The following NINL variants were observed in gnomAD, a reference collection of about 807,000 sequenced individuals.
The protein encoded by NINL is ninein like.
A neutral mutation model predicts 160.3 loss-of-function variants in NINL; 153 were observed. That is an observed-to-expected ratio of 0.95 (90% CI 0.84 to 1.09). NINL has a LOEUF of 1.09. Among genes scored for constraint, NINL ranks in the 50% least tolerant of loss-of-function variants. The pLI is 0.00. For missense variants in NINL, 1,829 were observed against 1,764.0 expected (o/e 1.04, Z -0.66); for synonymous variants, 800 against 734.8 (o/e 1.09, Z -1.43).
chr20:25,480,608 C>T (rs1406752079), intron 14 of NINL, among the ~76,000 whole-genome samples: 1 of 152,214 alleles, frequency 6.6e-6, no homozygotes, highest in Non-Finnish European at 1.5e-5. Flanking sequence ...TGGCCTGTGG[C>T]ACAGCAGATG....
chr20:25,533,039 C>T (rs535824198), intron 1 of NINL, among the ~76,000 whole-genome samples: 12 of 152,186 alleles, frequency 7.9e-5, no homozygotes, highest in Non-Finnish European at 1.2e-4. Flanking sequence ...ATAGGAACCC[C>T]GCTGCAGAGA....
rs143245012 is a variant in NINL, at chr20:25,454,781, C to T, written c.3957+892G>A. On this transcript the variant is annotated intron_variant, in intron 23 of 23. Coordinates refer to ENST00000278886, the MANE Select transcript of NINL (RefSeq NM_025176.6). Reference sequence around the variant, plus strand: ...CACAGCACTGCTGCACGTCAGTTCCCACCTGCTGAGTTGGACTTCGAACAT... The same window carrying T: ...CACAGCACTGCTGCACGTCAGTTCCTACCTGCTGAGTTGGACTTCGAACAT... Among the ~76,000 whole-genome samples, 741 of 152,318 alleles carry T rather than the reference C, an allele frequency of 4.9e-3. 6 individuals are homozygous for T. The highest frequency in any genetic ancestry group is 8.1e-3 in the Non-Finnish European group (549 of 68,024).
At chr20:25,469,265 C>T (rs2063025458) in intron 18 of NINL, among the ~76,000 whole-genome samples, 1 of 127,166 alleles carries the variant, frequency 7.9e-6, no homozygotes, top group Non-Finnish European at 1.7e-5. Flanking sequence ...CACCCCCCTA[C>T]CCTGTCCCAA....
intron 13 of NINL, among the ~76,000 whole-genome samples, chr20:25,482,343 A>G (rs1179443584): frequency 6.6e-6 from 1 of 151,984 alleles, no homozygotes; most frequent in Non-Finnish European, 1.5e-5. Flanking sequence ...TTTTTACTGT[A>G]TTTTATTTAT....
At chr20:25,530,401 A>G (rs1197839639) in intron 1 of NINL, among the ~76,000 whole-genome samples, 6 of 152,154 alleles carry the variant, frequency 3.9e-5, no homozygotes, top group African/African-American at 7.2e-5. Flanking sequence ...CAGGGCTGTA[A>G]CATCATGTAT....
intron 17 of NINL, among the ~76,000 whole-genome samples, chr20:25,472,323 G>GGATATA (rs2063114507): frequency 3.7e-5 from 2 of 54,628 alleles, no homozygotes; most frequent in African/African-American, 1.3e-4. Context: ...TGGGAGGAGA[G>GGATATA]GATATATATA....
rs202203038 is a variant in NINL at position 25,476,157 on chromosome 20, C to T, written c.3134G>A (p.Gly1045Glu). ...WQEQLAAPEE[G>E]ETKIALEREK... ...TCTCTCCAGCGCTATTTTGGTCTCC[C>T]CCTCTTCTGGGGCAGCAAGCTGCTC... Residue 1045 changes from glycine (G) to glutamate (E), a missense_variant, in exon 17 of 24, where the codon GGG (glycine) becomes GAG (glutamate). By Grantham distance (98) the Gly-to-Glu change is moderately conservative. Transcript: ENST00000278886. 6.1e-5 allele frequency: 99 copies of T among 1,614,216 alleles called. 1 individual carries two copies. The East Asian group carries it at 9.8e-4, about 16-fold the overall frequency.
intron 5 of NINL, among the ~76,000 whole-genome samples, chr20:25,506,741 G>T (rs6115200): frequency 0.4 from 60,984 of 151,984 alleles, 13,415 homozygotes; most frequent in East Asian, 0.91. Flanking sequence ...GGACACTGAA[G>T]GACGGCTTCT....
Position 25,500,993 on chromosome 20 carries a change from G to A in NINL, c.879C>T (p.Gly293=), listed in dbSNP as rs2063857320. 1.2e-6 allele frequency: 2 copies of A among 1,614,074 alleles called. No individual in the cohort carries two copies. The highest frequency in any genetic ancestry group is 1.3e-5 in the African/African-American group (1 of 75,070). ...WSHYQVPEES[G]CHTTTTSSLV... is the part of the protein sequence containing the mutation. Reference sequence around the variant, plus strand: ...GGGATGAGGTTGTGGTGGTGTGGCAGCCGCTCTCCTCTGGGACCTGCATGT... The same window carrying A: ...GGGATGAGGTTGTGGTGGTGTGGCAACCGCTCTCCTCTGGGACCTGCATGT... The change falls in exon 8 of 24, where the codon GGC becomes GGT. Residue 293 remains glycine, a synonymous_variant. Coordinates refer to ENST00000278886, the MANE Select transcript of NINL (RefSeq NM_025176.6).
chr20:25,524,931 G>GTGTA (rs1279645927), intron 2 of NINL, among the ~76,000 whole-genome samples: 1 of 146,470 alleles, frequency 6.8e-6, no homozygotes, highest in Admixed American at 6.8e-5. Flanking sequence ...ATATGTGTGT[G>GTGTA]TATATATATA....
At chr20:25,573,331 T>C (rs1255105865) in intron 1 of NINL, among the ~76,000 whole-genome samples, 1 of 151,712 alleles carries the variant, frequency 6.6e-6, no homozygotes, top group Admixed American at 6.6e-5. Flanking sequence ...TAAAATAACA[T>C]AGCCTATAAA....
At chr20:25,582,828 G>A (rs1200422022) in intron 1 of NINL, among the ~76,000 whole-genome samples, 1 of 151,962 alleles carries the variant, frequency 6.6e-6, no homozygotes, top group Non-Finnish European at 1.5e-5. Context: ...AACAAACTCT[G>A]CTTTCTACAA....
At chr20:25,566,561 A>G in intron 1 of NINL, among the ~76,000 whole-genome samples, 1 of 152,206 alleles carries the variant, frequency 6.6e-6, no homozygotes, top group East Asian at 1.9e-4. Context: ...TGGACAACAT[A>G]CAAAAAGATG....
chr20:25,504,974 G>A lies in NINL; in HGVS notation c.622C>T (p.Leu208=). 6.2e-7 allele frequency: 1 copy of A among 1,613,666 alleles called. No individual in the cohort carries two copies. The highest frequency in any genetic ancestry group is 8.5e-7 in the Non-Finnish European group (1 of 1,179,992). ...AGGTGTCCGCTGCTGCCCACCCCCA[G>A]CTCTTCCCACACGCCCCGGATCTGG... ...ESQIRGVWEE[L]GVGSSGHLSE... Residue 208 remains leucine, a synonymous_variant, in exon 6 of 24, where the codon CTG becomes TTG. Coordinates refer to ENST00000278886, the MANE Select transcript of NINL (RefSeq NM_025176.6).
rs145939504 is a variant in NINL, at chr20:25,526,111, C to T, written c.180+297G>A. ...CCATGTGGTCTTTGTGAATCACACA[C>T]CACTGGCCTATACCAAACTCCTTCC... On this transcript the variant is annotated intron_variant, in intron 2 of 23. Transcript: ENST00000278886. 5.7e-3 allele frequency among the ~76,000 whole-genome samples: 866 copies of T among 152,322 alleles called. 5 individuals carry two copies. Among genetic ancestry groups the T allele is most frequent in the Non-Finnish European group, 8.6e-3 (584 of 68,026 alleles).
At chr20:25,481,945 C>A (rs1209837107) in intron 14 of NINL, 23 bp downstream of exon 14, 7 of 1,592,058 alleles carry the variant, frequency 4.4e-6, no homozygotes, top group Non-Finnish European at 6.0e-6. Flanking sequence ...TGGGTCAGCC[C>A]CCTCCCAGGG....
chr20:25,548,651 T>C (rs1309576809), intron 1 of NINL, among the ~76,000 whole-genome samples: 148 of 94,386 alleles, frequency 1.6e-3, no homozygotes, highest in Middle Eastern at 0.017. Flanking sequence ...CAGCCTCACC[T>C]AGGGCTGACC....
At chr20:25,554,248 T>TG (rs145003510) in intron 1 of NINL, among the ~76,000 whole-genome samples, 7,816 of 152,164 alleles carry the variant, frequency 0.051, 212 homozygotes, top group Middle Eastern at 0.11. Context: ...AAGGTCTGTG[T>TG]GCAGGGGACC....
chr20:25,526,395 G>A lies in NINL; in HGVS notation c.180+13C>T, dbSNP rs1244741688. The stretch of plus-strand genomic sequence containing the variant: ...CCGTGCTTTCCTTTATGACAATGAA[G>A]TCCAACACTCACCCTGGCGAAATGG... On this transcript the variant is annotated intron_variant, in intron 2 of 23. Coordinates refer to ENST00000278886, the MANE Select transcript of NINL (RefSeq NM_025176.6). 1.9e-6 allele frequency: 3 copies of A among 1,604,522 alleles called. No homozygotes were observed. The highest frequency in any genetic ancestry group is 2.2e-5 in the East Asian group (1 of 44,646).
Sources: gnomAD v4.1 joint callset for allele counts (sites outside exome capture counted in the v4.1 genomes callset) on GRCh38, gnomAD v4.1.1 for gene constraint, MANE v1.5 for transcripts, NCBI Gene and HGNC (gene_info 2026-07-23, HGNC 2026-07-21) for gene names.